Variants in BAZ2B observed in about 807,000 individuals in gnomAD.
The protein encoded by BAZ2B is bromodomain adjacent to zinc finger domain protein 2B.
Under a neutral mutation model 246.0 loss-of-function variants are expected in BAZ2B, and 91 were observed. That is an observed-to-expected ratio of 0.37 (90% confidence interval 0.31 to 0.44). The LOEUF (loss-of-function observed/expected upper bound fraction) is 0.44, where lower values mean the gene tolerates loss of function less well. Among genes scored for constraint, BAZ2B ranks in the 20% least tolerant of loss-of-function variants. BAZ2B has a pLI of 1.00. For synonymous variants in BAZ2B, 855 were observed against 860.0 expected (o/e 0.99, Z 0.10); for missense variants, 2,332 against 2,533.7 (o/e 0.92, Z 1.71).
At chr2:159,358,858 A>G (rs1260286176) in intron 27 of BAZ2B, among the ~76,000 whole-genome samples, 1 of 152,228 alleles carries the variant, frequency 6.6e-6, no homozygotes, top group East Asian at 1.9e-4. Context: ...CTCCTGAATG[A>G]CTACTGGGTA....
At chr2:159,352,432 C>T (rs1005903567) in intron 27 of BAZ2B, among the ~76,000 whole-genome samples, 2 of 151,772 alleles carry the variant, frequency 1.3e-5, no homozygotes, top group African/African-American at 4.8e-5. Flanking sequence ...TTCCCTCCCA[C>T]GTACTAGAAT....
At chr2:159,375,165 G>A (rs1053220747) in intron 25 of BAZ2B, among the ~76,000 whole-genome samples, 2 of 152,090 alleles carry the variant, frequency 1.3e-5, no homozygotes, top group Admixed American at 1.3e-4. Context: ...CTATGATCAT[G>A]CCACTGCACT....
At chr2:159,663,296 G>A in the BAZ2B span, among the ~76,000 whole-genome samples, 1 of 150,524 alleles carries the variant, frequency 6.6e-6, no homozygotes, top group South Asian at 2.1e-4. Flanking sequence ...CCGCCTCCCA[G>A]GCTCAAGCAA....
chr2:159,521,116 A>G (rs554424757), intron 2 of BAZ2B, among the ~76,000 whole-genome samples: 1 of 152,208 alleles, frequency 6.6e-6, no homozygotes, highest in African/African-American at 2.4e-5. Context: ...AACCACTCCT[A>G]ATATTTAAAA....
the BAZ2B span, among the ~76,000 whole-genome samples, chr2:159,667,080 T>C: frequency 1.6e-5 from 2 of 122,934 alleles, no homozygotes; most frequent in African/African-American, 5.9e-5. Context: ...ATGTATCCCA[T>C]AACTTAAAGT....
intron 1 of BAZ2B, among the ~76,000 whole-genome samples, chr2:159,588,699 A>T (rs1196541695): frequency 6.6e-6 from 1 of 152,182 alleles, no homozygotes; most frequent in Non-Finnish European, 1.5e-5. Flanking sequence ...CACATTGAAA[A>T]TGCTCCCTAG....
At position 159,404,920 on chromosome 2, in the gene BAZ2B, A is replaced by T; in HGVS notation, c.2771-10T>A. On this transcript the variant is annotated splice_polypyrimidine_tract_variant and intron_variant, in intron 15 of 36. Transcript: ENST00000392783. Reference sequence around the variant, plus strand: ...TCAGCAGCCATTATTGCTACAAGAAACCAAAGGATAGATATCATCAAAAAG... The same window carrying T: ...TCAGCAGCCATTATTGCTACAAGAATCCAAAGGATAGATATCATCAAAAAG... 6.2e-7 allele frequency: 1 copy of T among 1,613,616 alleles called. No homozygotes were observed. The highest frequency in any genetic ancestry group is 8.5e-7 in the Non-Finnish European group (1 of 1,179,872).
intron 3 of BAZ2B, among the ~76,000 whole-genome samples, chr2:159,473,796 T>C (rs571633609): frequency 3.3e-5 from 5 of 152,228 alleles, no homozygotes; most frequent in Admixed American, 3.3e-4. Context: ...ACATCTTTAT[T>C]TCTGCCTTCA....
At chr2:159,628,740 C>A in the BAZ2B span, among the ~76,000 whole-genome samples, 1 of 152,124 alleles carries the variant, frequency 6.6e-6, no homozygotes, top group East Asian at 1.9e-4. Flanking sequence ...TAGGCAATAC[C>A]ATTCAGGACA....
intron 13 of BAZ2B, 75 bp downstream of exon 13, chr2:159,427,866 G>T: frequency 1.7e-6 from 2 of 1,160,684 alleles, no homozygotes; most frequent in Non-Finnish European, 1.3e-6. Context: ...GCTCCAGAGT[G>T]TAGTGAAATT....
chr2:159,674,015 G>A, the BAZ2B span, among the ~76,000 whole-genome samples: 1 of 138,920 alleles, frequency 7.2e-6, no homozygotes, highest in African/African-American at 2.7e-5. Flanking sequence ...ACATTTAAGA[G>A]TAAATGACAT....
intron 2 of BAZ2B, among the ~76,000 whole-genome samples, chr2:159,517,954 T>C (rs1440916142): frequency 6.6e-6 from 1 of 152,208 alleles, no homozygotes; most frequent in East Asian, 1.9e-4. Flanking sequence ...ACGTTAACAT[T>C]AAATAATTTA....
At position 159,552,579 on chromosome 2, in the gene BAZ2B, A is replaced by C. The variant is rs532775029; in HGVS notation, c.-3+3244T>G. Among the ~76,000 whole-genome samples, 12 of 152,358 alleles carry C rather than the reference A, an allele frequency of 7.9e-5. No individual in the cohort carries two copies. The South Asian group carries it at 1.9e-3, about 24-fold the overall frequency. On this transcript the variant is annotated intron_variant, in intron 2 of 36. Transcript: ENST00000392783. ...TTGCTAGAAGTCACATCGCTAGTAC[A>C]CAGTGACGTTAGTACTTGAACTCTA... is the stretch of plus-strand genomic sequence containing the variant.
At chr2:159,510,779 T>C (rs1164118422) in intron 2 of BAZ2B, among the ~76,000 whole-genome samples, 1 of 152,254 alleles carries the variant, frequency 6.6e-6, no homozygotes, top group African/African-American at 2.4e-5. Flanking sequence ...TTGAAGATAC[T>C]GTTCTAGTTC....
chr2:159,579,330 A>G (rs973228793), intron 1 of BAZ2B, among the ~76,000 whole-genome samples: 5 of 152,230 alleles, frequency 3.3e-5, no homozygotes, highest in Non-Finnish European at 5.9e-5. Context: ...TCTAGAAGAA[A>G]TGGATAAATT....
Position 159,430,943 on chromosome 2 carries a change from G to A in BAZ2B, c.2114C>T (p.Pro705Leu). The A allele has an allele frequency of 1.2e-6, 2 of 1,614,028 alleles. No homozygotes were observed. Among genetic ancestry groups the A allele is most frequent in the Non-Finnish European group, 1.7e-6 (2 of 1,179,902 alleles). Residue 705 changes from proline to leucine, a missense_variant, in exon 10 of 37, where the codon CCT becomes CTT. Coordinates refer to ENST00000392783, the MANE Select transcript of BAZ2B (RefSeq NM_013450.4). ...LHIAKAPGSA[P>L]AALCSESQSP... ...CTGGGATTCAGAACATAAGGCAGCA[G>A]GAGCAGAGCCTGGGGCTTTTGCTAT...
intron 1 of BAZ2B, among the ~76,000 whole-genome samples, chr2:159,595,702 A>G (rs971285776): frequency 1.3e-5 from 2 of 152,158 alleles, no homozygotes; most frequent in Non-Finnish European, 2.9e-5. Flanking sequence ...TTTAAATTCA[A>G]CCTAGAGGCT....
intron 2 of BAZ2B, among the ~76,000 whole-genome samples, chr2:159,510,790 C>A (rs1184609473): frequency 6.6e-6 from 1 of 152,114 alleles, no homozygotes; most frequent in Non-Finnish European, 1.5e-5. Context: ...GTTCTAGTTC[C>A]TTTTCCTTAA....
intron 34 of BAZ2B, among the ~76,000 whole-genome samples, chr2:159,328,283 T>G (rs1050138623): frequency 2.0e-5 from 3 of 152,102 alleles, no homozygotes; most frequent in African/African-American, 7.2e-5. Context: ...CCATCACCTT[T>G]TCTTGGCTAG....
Sources: gnomAD v4.1 joint callset for allele counts (sites outside exome capture counted in the v4.1 genomes callset) on GRCh38, gnomAD v4.1.1 for gene constraint, MANE v1.5 for transcripts, NCBI Gene and HGNC (gene_info 2026-07-23, HGNC 2026-07-21) for gene names.